The following NRXN3 variants were observed in gnomAD, a reference collection of about 807,000 sequenced individuals.
The protein encoded by NRXN3 is neurexin III.
NRXN3 carries 32 observed loss-of-function variants against 137.6 expected under a neutral mutation model. That is an observed-to-expected ratio of 0.23 (90% confidence interval 0.18 to 0.31). NRXN3 has a LOEUF of 0.31. Ranked by LOEUF, NRXN3 falls within the 10% of genes least tolerant of loss-of-function variation. The pLI, the probability that NRXN3 is intolerant of heterozygous loss-of-function variation, is 1.00. For synonymous variants in NRXN3, 798 were observed against 784.5 expected, an observed-to-expected ratio of 1.02 and a Z score of -0.29; for missense variants, 1,574 against 2,062.5, an observed-to-expected ratio of 0.76 and a Z score of 4.59.
intron 4 of NRXN3, among the ~76,000 whole-genome samples, chr14:78,600,924 C>T (rs2097196831): frequency 6.6e-6 from 1 of 152,160 alleles, no homozygotes; most frequent in Non-Finnish European, 1.5e-5. Flanking sequence ...TGCTCAACCC[C>T]ATCTCTCCTT....
chr14:79,321,074 A>T (rs981726863), intron 15 of NRXN3, among the ~76,000 whole-genome samples: 1 of 152,062 alleles, frequency 6.6e-6, no homozygotes, highest in African/African-American at 2.4e-5. Context: ...GCAATTTTCC[A>T]TATGCTCATG....
At chr14:78,235,681 T>C (rs1302266251) in intron 1 of NRXN3, among the ~76,000 whole-genome samples, 4 of 152,026 alleles carry the variant, frequency 2.6e-5, no homozygotes, top group Admixed American at 6.6e-5. Flanking sequence ...TTCAGCACAA[T>C]ATAAACTTCA....
At chr14:79,047,774 G>A (rs1391089610) in intron 15 of NRXN3, among the ~76,000 whole-genome samples, 1 of 152,110 alleles carries the variant, frequency 6.6e-6, no homozygotes, top group Non-Finnish European at 1.5e-5. Flanking sequence ...TTAAAAGACG[G>A]ACAACACCAA....
chr14:78,266,674 T>C (rs140789727), intron 2 of NRXN3, among the ~76,000 whole-genome samples: 1 of 152,260 alleles, frequency 6.6e-6, no homozygotes, highest in East Asian at 1.9e-4. Context: ...CTCTGCAGAC[T>C]CCTGTTGAGC....
intron 4 of NRXN3, among the ~76,000 whole-genome samples, chr14:78,513,117 A>G: frequency 6.6e-6 from 1 of 152,192 alleles, no homozygotes; most frequent in Non-Finnish European, 1.5e-5. Context: ...TGAGGAAGGC[A>G]ACTTGGCAGT....
At chr14:79,842,920 CTCTA>C (rs1316222691) in intron 20 of NRXN3, among the ~76,000 whole-genome samples, 1 of 152,116 alleles carries the variant, frequency 6.6e-6, no homozygotes, top group Non-Finnish European at 1.5e-5. Context: ...CTGTTTTATT[CTCTA>C]TCTCTGTGGG....
chr14:79,720,533 G>A (rs375259897), intron 19 of NRXN3, among the ~76,000 whole-genome samples: 14 of 152,084 alleles, frequency 9.2e-5, no homozygotes, highest in East Asian at 1.9e-4. Context: ...ACCAATCAGC[G>A]GTTGGCTTCC....
At chr14:79,793,921 G>A (rs528316685) in intron 19 of NRXN3, among the ~76,000 whole-genome samples, 3 of 152,172 alleles carry the variant, frequency 2.0e-5, no homozygotes, top group Non-Finnish European at 4.4e-5. Flanking sequence ...TTGGAAGAGT[G>A]GAAATGCCAT....
intron 4 of NRXN3, among the ~76,000 whole-genome samples, chr14:78,377,409 C>G (rs945952280): frequency 6.6e-6 from 1 of 152,064 alleles, no homozygotes; most frequent in African/African-American, 2.4e-5. Flanking sequence ...GTGTGAAGCA[C>G]AAATAGACTA....
At chr14:79,459,624 G>A (rs1235549442) in intron 15 of NRXN3, among the ~76,000 whole-genome samples, 2 of 151,940 alleles carry the variant, frequency 1.3e-5, no homozygotes, top group East Asian at 3.9e-4. Context: ...ATTTTACACA[G>A]CCCTAGCAAA....
At chr14:79,657,333 C>T (rs906165628) in intron 16 of NRXN3, among the ~76,000 whole-genome samples, 1 of 152,078 alleles carries the variant, frequency 6.6e-6, no homozygotes, top group Non-Finnish European at 1.5e-5. Flanking sequence ...TTTCCTCTCC[C>T]CTGCTTTTCC....
chr14:79,561,455 T>C (rs1305724831), intron 16 of NRXN3, among the ~76,000 whole-genome samples: 1 of 152,194 alleles, frequency 6.6e-6, no homozygotes, highest in Non-Finnish European at 1.5e-5. Flanking sequence ...GCCACTTTTG[T>C]AGGTATACTG....
chr14:78,416,873 G>A (rs17829009), intron 4 of NRXN3, among the ~76,000 whole-genome samples: 9,899 of 152,222 alleles, frequency 0.065, 352 homozygotes, highest in Non-Finnish European at 0.076. Flanking sequence ...AGTGGCATTT[G>A]GGTCAATGTG....
intron 4 of NRXN3, among the ~76,000 whole-genome samples, chr14:78,430,571 T>C (rs1464014818): frequency 1.3e-5 from 2 of 152,206 alleles, no homozygotes; most frequent in South Asian, 2.1e-4. Flanking sequence ...CTCATCTTGT[T>C]TCCTCAGATT....
At chr14:79,194,962 T>C (rs1256818549) in intron 15 of NRXN3, among the ~76,000 whole-genome samples, 1 of 151,640 alleles carries the variant, frequency 6.6e-6, no homozygotes, top group East Asian at 1.9e-4. Context: ...CTTATTTTCT[T>C]TTTTTTTTCT....
At chr14:79,009,707 G>A (rs564196554) in intron 15 of NRXN3, among the ~76,000 whole-genome samples, 1 of 152,192 alleles carries the variant, frequency 6.6e-6, no homozygotes, top group East Asian at 1.9e-4. Flanking sequence ...AAACAGAAAA[G>A]GGTAGTTTGA....
At chr14:79,683,694 A>G (rs769145562) in intron 17 of NRXN3, among the ~76,000 whole-genome samples, 5 of 152,188 alleles carry the variant, frequency 3.3e-5, no homozygotes, top group Non-Finnish European at 7.3e-5. Context: ...CAGTCATCTC[A>G]GTGCTATCTA....
At chr14:78,274,463 T>A (rs2073278809) in intron 2 of NRXN3, among the ~76,000 whole-genome samples, 1 of 152,160 alleles carries the variant, frequency 6.6e-6, no homozygotes, top group South Asian at 2.1e-4. Flanking sequence ...ACTGCCCCCA[T>A]GATTAAATTA....
At chr14:78,671,004 T>C (rs1304677314) in intron 6 of NRXN3, among the ~76,000 whole-genome samples, 1 of 152,158 alleles carries the variant, frequency 6.6e-6, no homozygotes, top group Non-Finnish European at 1.5e-5. Context: ...TTAATTGAAA[T>C]TGATGAGATC....
Sources: allele counts gnomAD v4.1 joint callset (sites outside exome capture counted in the v4.1 genomes callset), GRCh38; gene constraint gnomAD v4.1.1; transcripts MANE v1.5; gene names NCBI Gene and HGNC (gene_info 2026-07-23, HGNC 2026-07-21).